The following MPHOSPH8 variants were observed in gnomAD, a reference collection of about 807,000 sequenced individuals.
MPHOSPH8 encodes M-phase phosphoprotein, mpp.
In MPHOSPH8, 45 loss-of-function variants were observed where a neutral mutation model predicts 87.3. The ratio of observed to expected loss-of-function variants is 0.52; its 90% CI spans 0.41 to 0.66. MPHOSPH8 has a LOEUF of 0.66. Among genes scored for constraint, MPHOSPH8 ranks in the 30% least tolerant of loss-of-function variants. The pLI, the probability that MPHOSPH8 is intolerant of heterozygous loss-of-function variation, is 0.00. For missense variants in MPHOSPH8, 883 were observed against 1,020.2 expected (o/e 0.87, Z 1.83); for synonymous variants, 366 against 376.9 (o/e 0.97, Z 0.33).
chr13:19,654,224 A>T (rs918367581), intron 5 of MPHOSPH8, among the ~76,000 whole-genome samples: 1 of 152,186 alleles, frequency 6.6e-6, no homozygotes, highest in Non-Finnish European at 1.5e-5. Flanking sequence ...TAACACAAGA[A>T]CAGAAAACTA....
chr13:19,647,051 C>G lies in MPHOSPH8; in HGVS notation c.978C>G (p.Val326=). ...TGAGTGCTGAGGAGGATACCGATGT[C>G]AGAGGCAGGAGGAAAAAGAAGACCC... The part of the protein sequence containing the change: ...SAMSAEEDTD[V]RGRRKKKTPR... The change falls in exon 3 of 14, where the codon GTC becomes GTG. Residue 326 remains valine (V), a synonymous_variant. Transcript: ENST00000361479. 1 of 1,606,884 alleles carries G rather than the reference C, an allele frequency of 6.2e-7. No homozygotes were observed. The highest frequency in any genetic ancestry group is 8.5e-7 in the Non-Finnish European group (1 of 1,178,214).
chr13:19,654,687 G>T (rs1875052718), intron 5 of MPHOSPH8, among the ~76,000 whole-genome samples: 1 of 152,190 alleles, frequency 6.6e-6, no homozygotes, highest in Non-Finnish European at 1.5e-5. Context: ...AGTGGCTCAT[G>T]CCTGTATTCC....
At chr13:19,654,443 C>T (rs1026459774) in intron 5 of MPHOSPH8, among the ~76,000 whole-genome samples, 1 of 152,066 alleles carries the variant, frequency 6.6e-6, no homozygotes, top group Non-Finnish European at 1.5e-5. Context: ...GACCTGCATG[C>T]TCTGCACATG....
intron 5 of MPHOSPH8, among the ~76,000 whole-genome samples, chr13:19,658,546 T>C (rs1875331917): frequency 6.6e-6 from 1 of 152,112 alleles, no homozygotes; most frequent in Non-Finnish European, 1.5e-5. Flanking sequence ...TCTGGAAGGA[T>C]CCATAAGCAG....
chr13:19,636,175 C>G (rs943369236), intron 1 of MPHOSPH8, among the ~76,000 whole-genome samples: 2 of 152,192 alleles, frequency 1.3e-5, no homozygotes, highest in African/African-American at 4.8e-5. Flanking sequence ...AGGACTATTG[C>G]AGTTTTCTGT....
In MPHOSPH8 at chr13:19,646,757, G is replaced by A. The variant is rs1209668639; in HGVS notation, c.684G>A (p.Lys228=). The part of the protein sequence containing the change: ...KDEVKETKEL[K]KVKKGEIRDL... The stretch of plus-strand genomic sequence containing the variant: ...AAGTAAAAGAAACAAAAGAATTAAA[G>A]AAAGTTAAAAAGGGTGAAATAAGAG... Residue 228 remains lysine, a synonymous_variant, in exon 3 of 14, where the codon AAG becomes AAA. Transcript: ENST00000361479. 2.5e-6 allele frequency: 4 copies of A among 1,583,328 alleles called. No individual in the cohort carries two copies. Among genetic ancestry groups the A allele is most frequent in the Non-Finnish European group, 3.4e-6 (4 of 1,168,426 alleles).
intron 4 of MPHOSPH8, 92 bp downstream of exon 4, chr13:19,648,613 A>AT (rs1197378650): frequency 3.4e-5 from 18 of 522,798 alleles, no homozygotes; most frequent in South Asian, 1.5e-4. Context: ...AATTTATATA[A>AT]TTTTTTTTCC....
At position 19,670,341 on chromosome 13, in the gene MPHOSPH8, A is replaced by G. The variant is rs771489372; in HGVS notation, c.2435A>G (p.Lys812Arg). ...GTACAAGCTGTAGTTCTGAATGATA[A>G]ATTTCAGCTTCCTGTTTTTCTGGTA... The part of the protein sequence containing the change: ...CSVQAVVLND[K>R]FQLPVFLDSH... Residue 812 changes from lysine (K) to arginine (R), a missense_variant, in exon 12 of 14, where the codon AAA (lysine) becomes AGA (arginine). Lys to Arg is a conservative substitution (Grantham distance 26). This residue lies in a region of MPHOSPH8 where 741 missense variants were observed against 841.5 expected (regional missense o/e 0.88). Transcript: ENST00000361479. 6.2e-7 allele frequency: 1 copy of G among 1,613,954 alleles called. No homozygotes were observed. The highest frequency in any genetic ancestry group is 8.5e-7 in the Non-Finnish European group (1 of 1,179,954).
intron 9 of MPHOSPH8, among the ~76,000 whole-genome samples, chr13:19,663,681 TG>T (rs1284697352): frequency 6.6e-6 from 1 of 152,202 alleles, no homozygotes; most frequent in Admixed American, 6.5e-5. Context: ...CTGCCAGGTC[TG>T]GTTGGTTCCT....
At position 19,672,069 on chromosome 13, in the gene MPHOSPH8, G is replaced by T; in HGVS notation, c.*194G>T. On this transcript the variant is annotated 3_prime_UTR_variant, in exon 14 of 14. Coordinates refer to ENST00000361479, the MANE Select transcript of MPHOSPH8 (RefSeq NM_017520.4). ...GCCAGTATGCCGGAATCTCAGTGCA[G>T]TGTCCAGACTGCGTATTTCAGTTTT... The T allele has an allele frequency of 1.7e-6, 1 of 600,834 alleles. No homozygotes were observed. Among genetic ancestry groups the T allele is most frequent in the Non-Finnish European group, 3.0e-6 (1 of 337,478 alleles). 37.2% of individuals were successfully genotyped at this position (600,834 alleles called of 1,614,324 possible).
intron 1 of MPHOSPH8, among the ~76,000 whole-genome samples, chr13:19,635,427 C>T (rs1354534117): frequency 6.6e-6 from 1 of 152,140 alleles, no homozygotes; most frequent in African/African-American, 2.4e-5. Flanking sequence ...ACTCGGGAGG[C>T]TGAGGCAGGA....
chr13:19,666,703 G>T (rs1436091936), intron 10 of MPHOSPH8, 124 bp downstream of exon 10: 10 of 813,778 alleles, frequency 1.2e-5, no homozygotes, highest in African/African-American at 8.4e-5. Context: ...AGTCCTGATG[G>T]TTTTGTTTCC....
At chr13:19,641,882 C>T (rs1874312357) in intron 1 of MPHOSPH8, among the ~76,000 whole-genome samples, 1 of 152,070 alleles carries the variant, frequency 6.6e-6, no homozygotes, top group Non-Finnish European at 1.5e-5. Context: ...AGTCTGCCCA[C>T]CTTGACCTCC....
intron 5 of MPHOSPH8, among the ~76,000 whole-genome samples, chr13:19,651,538 AAAAG>A (rs1375291214): frequency 6.6e-6 from 1 of 152,018 alleles, no homozygotes; most frequent in East Asian, 1.9e-4. Flanking sequence ...AAAAAAAAAA[AAAAG>A]AAAACTGGCT....
At chr13:19,657,458 C>T (rs1272673952) in intron 5 of MPHOSPH8, among the ~76,000 whole-genome samples, 1 of 151,022 alleles carries the variant, frequency 6.6e-6, no homozygotes, top group African/African-American at 2.4e-5. Flanking sequence ...ATTTCAGCTA[C>T]TCAGGAGGCC....
chr13:19,661,938 C>A, intron 8 of MPHOSPH8, 100 bp downstream of exon 8: 7 of 1,261,980 alleles, frequency 5.5e-6, no homozygotes, highest in Non-Finnish European at 7.4e-6. Flanking sequence ...GTCACATGGT[C>A]ACATCGCTTT....
rs555534211 is a variant in MPHOSPH8, at chr13:19,648,359, T to C, written c.1219-63T>C. Reference sequence around the variant, plus strand: ...GCCACAAACCTGTATTTTCCGGTTCTCAAATAAATTTACAGTGTCAACTCT... The same window carrying C: ...GCCACAAACCTGTATTTTCCGGTTCCCAAATAAATTTACAGTGTCAACTCT... On this transcript the variant is annotated intron_variant, in intron 3 of 13. Coordinates refer to ENST00000361479, the MANE Select transcript of MPHOSPH8 (RefSeq NM_017520.4). 23 of 1,068,514 alleles carry C rather than the reference T, an allele frequency of 2.2e-5. No individual in the cohort carries two copies. In the Admixed American group the frequency reaches 2.6e-4, roughly 12 times the overall value. The allele number at this position is 1,068,514 out of a possible 1,614,324, so 66.2% of individuals were successfully genotyped here.
intron 5 of MPHOSPH8, among the ~76,000 whole-genome samples, chr13:19,658,320 T>TA (rs1474931750): frequency 6.6e-6 from 1 of 152,318 alleles, no homozygotes; most frequent in East Asian, 1.9e-4. Context: ...TTTTCACTTG[T>TA]AAAAAAAGCA....
chr13:19,634,026 G>T, intron 1 of MPHOSPH8, 65 bp downstream of exon 1: 1 of 1,513,016 alleles, frequency 6.6e-7, no homozygotes. Flanking sequence ...GAGGACGCGA[G>T]CTGGAAACAG....
Sources: allele counts gnomAD v4.1 joint callset (sites outside exome capture counted in the v4.1 genomes callset), GRCh38; gene constraint gnomAD v4.1.1; regional missense constraint gnomAD v4.1.1; transcripts MANE v1.5; gene names NCBI Gene and HGNC (gene_info 2026-07-23, HGNC 2026-07-21).